Variants in ETAA1 observed in about 807,000 individuals in gnomAD.
ETAA1 encodes ewing's tumor-associated antigen 1.
ETAA1 carries 49 observed loss-of-function variants against 76.8 expected under a neutral mutation model. The observed-to-expected ratio is 0.64, with a 90% CI of 0.51 to 0.81. ETAA1 has a LOEUF of 0.81. Among genes scored for constraint, ETAA1 ranks in the 30% least tolerant of loss-of-function variants. The pLI, the probability that ETAA1 is intolerant of heterozygous loss-of-function variation, is 0.00. For synonymous variants in ETAA1, 373 were observed against 372.2 expected (o/e 1.00, Z -0.03); for missense variants, 1,099 against 1,074.0 (o/e 1.02, Z -0.32).
At chr2:67,398,193 C>G (rs1373911178) in intron 1 of ETAA1, among the ~76,000 whole-genome samples, 1 of 151,682 alleles carries the variant, frequency 6.6e-6, no homozygotes, top group Non-Finnish European at 1.5e-5. Flanking sequence ...CTAAGGATCT[C>G]TTTCGTCTCG....
Position 67,397,668 on chromosome 2 carries a change from G to A in ETAA1, c.220G>A (p.Glu74Lys), listed in dbSNP as rs1249658650. Residue 74 changes from glutamate to lysine, a missense_variant, in exon 1 of 6, where the codon GAG becomes AAG. By Grantham distance (56) the Glu-to-Lys change is moderately conservative. This residue lies in a region of ETAA1 where 761 missense variants were observed against 731.9 expected (regional missense o/e 1.04). Transcript: ENST00000272342. ...CGCCCTGTGCAGTAAAAGTAACCCC[G>A]AGGGTGAGACGTCGGCAGCGCGGCC... is the stretch of plus-strand genomic sequence containing the variant. ...TAALCSKSNP[E>K]ERYETPKRAL... is the part of the protein sequence containing the mutation. 3.9e-6 allele frequency: 6 copies of A among 1,545,620 alleles called. No homozygotes were observed. The highest frequency in any genetic ancestry group is 4.9e-5 in the East Asian group (2 of 40,738).
At chr2:67,398,492 C>T in intron 1 of ETAA1, among the ~76,000 whole-genome samples, 1 of 151,774 alleles carries the variant, frequency 6.6e-6, no homozygotes, top group Middle Eastern at 3.4e-3. Context: ...TGTGCCACCT[C>T]GCCCGGCTAA....
At position 67,403,398 on chromosome 2, in the gene ETAA1, C is replaced by A; in HGVS notation, c.716C>A (p.Ser239Ter). 3 of 1,606,192 alleles carry A rather than the reference C, an allele frequency of 1.9e-6. No homozygotes were observed. In the South Asian group the frequency reaches 3.3e-5, roughly 18 times the overall value. Residue 239 changes from serine to a stop codon, truncating the protein, a stop_gained, in exon 5 of 6, where the codon TCA becomes TAA. Coordinates refer to ENST00000272342, the MANE Select transcript of ETAA1 (RefSeq NM_019002.4). LOFTEE classifies it high-confidence loss of function. Reference protein sequence around the residue: ...SNYKDNIQMWSLHNIVPEIDN... With the variant: ...SNYKDNIQMW ...TATAAAGATAATATACAGATGTGGTCATTACATAATATAGTTCCCGAAATA... is the reference window on the plus strand; with the variant it reads ...TATAAAGATAATATACAGATGTGGTAATTACATAATATAGTTCCCGAAATA...
At chr2:67,401,297 AATACTT>A (rs1251891398) in intron 3 of ETAA1, 3 of 152,034 alleles carry the variant, frequency 2.0e-5, no homozygotes, top group Admixed American at 1.3e-4. Flanking sequence ...CAGAATGACA[AATACTT>A]ATATTGTTTA....
At chr2:67,398,945 G>T (rs1275221068) in intron 1 of ETAA1, among the ~76,000 whole-genome samples, 1 of 152,144 alleles carries the variant, frequency 6.6e-6, no homozygotes, top group Non-Finnish European at 1.5e-5. Context: ...TAAAGCTTCT[G>T]GATTATCTAG....
At position 67,399,220 on chromosome 2, in the gene ETAA1, C is replaced by G; in HGVS notation, c.275C>G (p.Ser92Cys). ...RALKMDSLSS[S>C]FSSPNDPDGQ... is the part of the protein sequence containing the mutation. ...CTGAAAATGGACTCACTGTCATCTTCCTTCAGTTCTCCTAATGATCCAGAT... is the reference window on the plus strand; with the variant it reads ...CTGAAAATGGACTCACTGTCATCTTGCTTCAGTTCTCCTAATGATCCAGAT... Residue 92 changes from serine to cysteine, a missense_variant, in exon 2 of 6, where the codon TCC becomes TGC. Around this residue, in one of 3 missense-constraint regions of ETAA1, gnomAD observed 761 missense variants for 731.9 expected, o/e 1.04. Transcript: ENST00000272342. The G allele has an allele frequency of 6.2e-7, 1 of 1,613,322 alleles. No homozygotes were observed. Among genetic ancestry groups the G allele is most frequent in the Non-Finnish European group, 8.5e-7 (1 of 1,179,460 alleles).
Position 67,404,396 on chromosome 2 carries a change from A to G in ETAA1, c.1714A>G (p.Lys572Glu). ...VSNPNQTSAS[K>E]VGSFFDDWND... The stretch of plus-strand genomic sequence containing the variant: ...TAACCCAAATCAGACTAGTGCATCA[A>G]AAGTAGGTTCTTTCTTTGATGATTG... Residue 572 changes from lysine (K) to glutamate (E), a missense_variant, in exon 5 of 6, where the codon AAA becomes GAA. Transcript: ENST00000272342. 1 of 1,613,336 alleles carries G rather than the reference A, an allele frequency of 6.2e-7. No individual in the cohort carries two copies. The highest frequency in any genetic ancestry group is 1.1e-5 in the South Asian group (1 of 91,062).
chr2:67,403,289 G>A lies in ETAA1; in HGVS notation c.607G>A (p.Glu203Lys), dbSNP rs1289760870. The change falls in exon 5 of 6, where the codon GAA (glutamate) becomes AAA (lysine). Residue 203 changes from glutamate to lysine, a missense_variant. Glu to Lys is a moderately conservative substitution (Grantham distance 56, BLOSUM62 1). Transcript: ENST00000272342. ...GGCTAAACAATTTGATAAAAATATG[G>A]AAGAGCTAGATGTGATTCAAGAGCA... ...KLAKQFDKNM[E>K]ELDVIQEQNK... 4 of 1,596,588 alleles carry A rather than the reference G, an allele frequency of 2.5e-6. No homozygotes were observed. The highest frequency in any genetic ancestry group is 3.4e-6 in the Non-Finnish European group (4 of 1,174,030).
intron 1 of ETAA1, among the ~76,000 whole-genome samples, chr2:67,398,882 CAATGGT>C (rs1558578809): frequency 2.6e-5 from 4 of 152,074 alleles, no homozygotes; most frequent in African/African-American, 9.7e-5. Flanking sequence ...CTCCAAGACT[CAATGGT>C]AATAAATAGA....
Position 67,405,274 on chromosome 2 carries a change from G to A in ETAA1, c.2592G>A (p.Glu864=). The A allele has an allele frequency of 2.5e-6, 4 of 1,593,386 alleles. No individual in the cohort carries two copies. The highest frequency in any genetic ancestry group is 3.4e-6 in the Non-Finnish European group (4 of 1,171,314). The change falls in exon 5 of 6, where the codon GAG becomes GAA. Residue 864 remains glutamate (E), a synonymous_variant. Transcript: ENST00000272342. Reference sequence around the variant, plus strand: ...AGAAAGGTGTCAACCCATTACTGGAGGAAGCTGTTGGACAGCAATCTTTGG... The same window carrying A: ...AGAAAGGTGTCAACCCATTACTGGAAGAAGCTGTTGGACAGCAATCTTTGG... ...EKKKGVNPLL[E]EAVGQQSLVK... is the part of the protein sequence containing the mutation.
At chr2:67,406,901 G>T (rs531270190) in intron 5 of ETAA1, among the ~76,000 whole-genome samples, 1 of 152,160 alleles carries the variant, frequency 6.6e-6, no homozygotes, top group South Asian at 2.1e-4. Flanking sequence ...TATGGTGGAT[G>T]TATCATAATT....
At chr2:67,399,483 T>G (rs575547615) in intron 2 of ETAA1, 67 bp from the exon 3 acceptor site, 91 of 1,287,044 alleles carry the variant, frequency 7.1e-5, no homozygotes, top group Admixed American at 1.0e-4. Context: ...TTCTAAGAAG[T>G]GACAGCTGTT....
chr2:67,404,985 T>G lies in ETAA1; in HGVS notation c.2303T>G (p.Leu768Trp). The change falls in exon 5 of 6, where the codon TTG becomes TGG. Residue 768 changes from leucine to tryptophan, a missense_variant. By Grantham distance (61) the Leu-to-Trp change is moderately conservative. This residue lies in a region of ETAA1 where 302 missense variants were observed against 278.1 expected (regional missense o/e 1.09). Coordinates refer to ENST00000272342, the MANE Select transcript of ETAA1 (RefSeq NM_019002.4). ...DVPIQVNSSK[L>W]VLPGSSSLNV... is the part of the protein sequence containing the mutation. ...CCAATACAAGTGAATAGTTCCAAAT[T>G]GGTTCTTCCAGGAAGTTCAAGTTTG... is the stretch of plus-strand genomic sequence containing the variant. 6.2e-7 allele frequency: 1 copy of G among 1,612,498 alleles called. No homozygotes were observed. Among genetic ancestry groups the G allele is most frequent in the Non-Finnish European group, 8.5e-7 (1 of 1,179,056 alleles).
intron 5 of ETAA1, among the ~76,000 whole-genome samples, chr2:67,408,068 A>G (rs1156876796): frequency 6.6e-6 from 1 of 152,034 alleles, no homozygotes; most frequent in Non-Finnish European, 1.5e-5. Flanking sequence ...CCTTATCAAT[A>G]TTTTCTTTAA....
rs553844430 is a variant in ETAA1 at position 67,403,472 on chromosome 2, G to A, written c.790G>A (p.Ala264Thr). Residue 264 changes from alanine to threonine, a missense_variant, in exon 5 of 6, where the codon GCA becomes ACA. Around this residue, in one of 3 missense-constraint regions of ETAA1, gnomAD observed 761 missense variants for 731.9 expected, o/e 1.04. Transcript: ENST00000272342. ...PIKGNTKISVANNQNSSQKPF... is the reference protein window; with the variant it reads ...PIKGNTKISVTNNQNSSQKPF... Reference sequence around the variant, plus strand: ...CAAAGGAAACACCAAGATATCTGTGGCAAATAATCAAAATAGCAGTCAGAA... The same window carrying A: ...CAAAGGAAACACCAAGATATCTGTGACAAATAATCAAAATAGCAGTCAGAA... 2 of 1,613,292 alleles carry A rather than the reference G, an allele frequency of 1.2e-6. No homozygotes were observed. Among genetic ancestry groups the A allele is most frequent in the Non-Finnish European group, 1.7e-6 (2 of 1,179,410 alleles).
chr2:67,397,715 T>C, intron 1 of ETAA1, 44 bp downstream of exon 1: 1 of 1,518,212 alleles, frequency 6.6e-7, no homozygotes. Flanking sequence ...CGGCGCCGCA[T>C]CCCCACATCC....
chr2:67,408,397 T>C (rs1365680587), intron 5 of ETAA1, among the ~76,000 whole-genome samples: 1 of 152,190 alleles, frequency 6.6e-6, no homozygotes, highest in African/African-American at 2.4e-5. Context: ...TCATTGTCCA[T>C]AAACAGGTTT....
In ETAA1 at chr2:67,397,591, C is replaced by T. The variant is rs1675911412; in HGVS notation, c.143C>T (p.Ala48Val). 6 of 1,554,142 alleles carry T rather than the reference C, an allele frequency of 3.9e-6. No homozygotes were observed. Among genetic ancestry groups the T allele is most frequent in the Admixed American group, 3.9e-5 (2 of 51,704 alleles). ...GCCCGCGGTTCGTGGCCCTGCGGGG[C>T]TAGAGAGGGGCCTCCCGGGCCAGTG... ...RSARGSWPCG[A>V]REGPPGPVRQ... The change falls in exon 1 of 6, where the codon GCT becomes GTT. Residue 48 changes from alanine (A) to valine (V), a missense_variant. Around this residue, in one of 3 missense-constraint regions of ETAA1, gnomAD observed 761 missense variants for 731.9 expected, o/e 1.04. Transcript: ENST00000272342.
chr2:67,397,646 C>A lies in ETAA1; in HGVS notation c.198C>A (p.Ala66=). Residue 66 remains alanine (A), a synonymous_variant, in exon 1 of 6, where the codon GCC becomes GCA. Transcript: ENST00000272342. ...VRQREQPPTA[A]LCSKSNPEER... ...AGCGAGAGCAGCCTCCGACCGCCGC[C>A]CTGTGCAGTAAAAGTAACCCCGAGG... 1 of 1,547,478 alleles carries A rather than the reference C, an allele frequency of 6.5e-7. No homozygotes were observed. Among genetic ancestry groups the A allele is most frequent in the Non-Finnish European group, 8.7e-7 (1 of 1,146,860 alleles).
Sources: allele counts gnomAD v4.1 joint callset (sites outside exome capture counted in the v4.1 genomes callset), GRCh38; gene constraint gnomAD v4.1.1; regional missense constraint gnomAD v4.1.1; transcripts MANE v1.5; gene names NCBI Gene and HGNC (gene_info 2026-07-23, HGNC 2026-07-21).